The following TNS3 variants were observed in gnomAD, a reference collection of about 807,000 sequenced individuals.
TNS3 encodes the protein tensin-3.
TNS3 carries 45 observed loss-of-function variants against 140.9 expected under a neutral mutation model. The ratio of observed to expected loss-of-function variants is 0.32; its 90% CI spans 0.25 to 0.41. The LOEUF (loss-of-function observed/expected upper bound fraction) is 0.41. TNS3 is among the 10% of genes least tolerant of loss of function. The probability of loss-of-function intolerance (pLI) is 1.00; values close to 1 mark genes in which losing one functional copy is unlikely to be tolerated. For missense variants in TNS3, 1,716 were observed against 1,906.7 expected, an observed-to-expected ratio of 0.90 and a Z score of 1.86; for synonymous variants, 815 against 788.4, an observed-to-expected ratio of 1.03 and a Z score of -0.56.
rs916438598 is a variant in TNS3 at position 47,317,004 on chromosome 7, A to C, written c.2651-12001T>G. Among the ~76,000 whole-genome samples the C allele has an allele frequency of 5.5e-4, 83 of 152,254 alleles. 1 individual carries two copies. Among genetic ancestry groups the C allele is most frequent in the Admixed American group, 4.3e-3 (66 of 15,290 alleles). On this transcript the variant is annotated intron_variant, in intron 20 of 30. Transcript: ENST00000311160. ...AACAAACAAACAAAAATGATGAAAAACCCACAAATGGATAAATAAATACTT... is the reference window on the plus strand; with the variant it reads ...AACAAACAAACAAAAATGATGAAAACCCCACAAATGGATAAATAAATACTT...
At chr7:47,292,959 T>C in intron 25 of TNS3, 54 bp from the exon 26 acceptor site, 1 of 1,503,518 alleles carries the variant, frequency 6.7e-7, no homozygotes, top group Non-Finnish European at 9.2e-7. Context: ...AGATGTTGTG[T>C]GCTCAGCCAA....
At chr7:47,449,745 A>T (rs1795927084) in intron 4 of TNS3, among the ~76,000 whole-genome samples, 1 of 152,172 alleles carries the variant, frequency 6.6e-6, no homozygotes, top group Non-Finnish European at 1.5e-5. Flanking sequence ...AGTTGGGATT[A>T]CAGGCGCCCG....
At chr7:47,539,042 C>T (rs1216219369) in intron 1 of TNS3, 9 of 456,494 alleles carry the variant, frequency 2.0e-5, no homozygotes, top group Admixed American at 1.9e-4. Flanking sequence ...GCAAACACGC[C>T]CAGAGGTCAG....
intron 4 of TNS3, among the ~76,000 whole-genome samples, chr7:47,461,078 C>T (rs747569522): frequency 7.2e-5 from 11 of 152,068 alleles, no homozygotes; most frequent in East Asian, 3.9e-4. Flanking sequence ...TGAAAAAAAA[C>T]GGGAAAGAGC....
At chr7:47,423,015 C>CT (rs1471180730) in intron 10 of TNS3, among the ~76,000 whole-genome samples, 1 of 152,142 alleles carries the variant, frequency 6.6e-6, no homozygotes, top group Admixed American at 6.6e-5. Flanking sequence ...TCCAACACAC[C>CT]CGGTTTCAAG....
intron 4 of TNS3, among the ~76,000 whole-genome samples, chr7:47,452,540 T>C (rs1362051273): frequency 6.6e-6 from 1 of 152,156 alleles, no homozygotes. Context: ...TGTAACGAAA[T>C]AGTCACAGGA....
At chr7:47,324,107 T>C (rs1206400542) in intron 20 of TNS3, among the ~76,000 whole-genome samples, 3 of 152,228 alleles carry the variant, frequency 2.0e-5, no homozygotes, top group South Asian at 2.1e-4. Flanking sequence ...CCTCCTGACC[T>C]GGCTGCCTGT....
chr7:47,540,551 G>A (rs747539880), intron 1 of TNS3, among the ~76,000 whole-genome samples: 37 of 152,238 alleles, frequency 2.4e-4, no homozygotes, highest in African/African-American at 8.7e-4. Context: ...CCACAGATAC[G>A]TGAGCAACGT....
intron 10 of TNS3, among the ~76,000 whole-genome samples, chr7:47,418,841 A>T (rs191195179): frequency 1.3e-5 from 2 of 152,388 alleles, no homozygotes; most frequent in East Asian, 3.9e-4. Context: ...GTTAGCTTAA[A>T]TCTGTCTGAA....
At chr7:47,429,372 C>CT (rs35303779) in intron 8 of TNS3, among the ~76,000 whole-genome samples, 50,298 of 149,554 alleles carry the variant, frequency 0.34, 8,969 homozygotes, top group Non-Finnish European at 0.41. Flanking sequence ...CAATCTGGCT[C>CT]TTTTTTTTTT....
intron 3 of TNS3, among the ~76,000 whole-genome samples, chr7:47,494,622 G>A (rs1042421576): frequency 6.6e-6 from 1 of 152,164 alleles, no homozygotes; most frequent in African/African-American, 2.4e-5. Flanking sequence ...AAGGAAGCCT[G>A]CGGGCTTCGG....
At chr7:47,469,349 G>A (rs1198622383) in intron 4 of TNS3, among the ~76,000 whole-genome samples, 2 of 152,252 alleles carry the variant, frequency 1.3e-5, no homozygotes, top group East Asian at 3.9e-4. Context: ...TCCAACAAAG[G>A]CTGAATATCT....
In TNS3 at chr7:47,415,106, C is replaced by T. The variant is rs767912951; in HGVS notation, c.574G>A (p.Asp192Asn). Reference sequence around the variant, plus strand: ...AGGGGACACTCACCTCCACCTGTGTCGAAGTTGGGGGTGCCGTGGAGGATG... The same window carrying T: ...AGGGGACACTCACCTCCACCTGTGTTGAAGTTGGGGGTGCCGTGGAGGATG... ...FVILHGTPNFDTGGVCRPFLK... is the reference protein window; with the variant it reads ...FVILHGTPNFNTGGVCRPFLK... The change falls in exon 11 of 31, where the codon GAC (aspartate) becomes AAC (asparagine). Residue 192 changes from aspartate (D) to asparagine (N), a missense_variant. This residue lies in a region of TNS3 where 337 missense variants were observed against 428.9 expected (regional missense o/e 0.79). Transcript: ENST00000311160. The T allele has an allele frequency of 1.9e-6, 3 of 1,611,454 alleles. No homozygotes were observed. Among genetic ancestry groups the T allele is most frequent in the South Asian group, 1.1e-5 (1 of 90,542 alleles).
intron 16 of TNS3, among the ~76,000 whole-genome samples, chr7:47,387,455 G>A (rs928474659): frequency 6.6e-6 from 1 of 152,234 alleles, no homozygotes; most frequent in African/African-American, 2.4e-5. Context: ...CGTGCATGTG[G>A]ATGGTGGTCT....
chr7:47,277,782 G>A lies in TNS3; in HGVS notation c.*294C>T. 1 of 458,960 alleles carries A rather than the reference G, an allele frequency of 2.2e-6. No individual in the cohort carries two copies. The highest frequency in any genetic ancestry group is 4.0e-6 in the Non-Finnish European group (1 of 247,316). 28.4% of individuals were successfully genotyped at this position (458,960 alleles called of 1,614,324 possible). On this transcript the variant is annotated 3_prime_UTR_variant, in exon 31 of 31. Transcript: ENST00000311160. ...ACCTCGTGTTCTGTGCTGTTTCCTT[G>A]CATGTCCCTTTCCCATGGGGACCCT...
intron 20 of TNS3, among the ~76,000 whole-genome samples, chr7:47,320,273 A>T (rs896830400): frequency 1.3e-5 from 2 of 152,128 alleles, no homozygotes; most frequent in Admixed American, 1.3e-4. Context: ...AGGGAAACAC[A>T]CGCACCACCC....
At chr7:47,289,955 A>G (rs1011256183) in intron 27 of TNS3, among the ~76,000 whole-genome samples, 2 of 152,240 alleles carry the variant, frequency 1.3e-5, no homozygotes, top group Non-Finnish European at 2.9e-5. Context: ...GAAAGAGAAG[A>G]GCAAAGTTGG....
At chr7:47,310,790 A>C (rs929862759) in intron 20 of TNS3, among the ~76,000 whole-genome samples, 1 of 152,212 alleles carries the variant, frequency 6.6e-6, no homozygotes, top group Non-Finnish European at 1.5e-5. Flanking sequence ...TGATTGTTCA[A>C]TTCCCACCTA....
chr7:47,393,935 A>C, intron 16 of TNS3, among the ~76,000 whole-genome samples: 1 of 144,836 alleles, frequency 6.9e-6, no homozygotes, highest in African/African-American at 2.6e-5. Flanking sequence ...GACCTTCTCT[A>C]CTCGCCCCTA....
Sources: allele counts gnomAD v4.1 joint callset (sites outside exome capture counted in the v4.1 genomes callset), GRCh38; gene constraint gnomAD v4.1.1; regional missense constraint gnomAD v4.1.1; transcripts MANE v1.5; gene names NCBI Gene and HGNC (gene_info 2026-07-23, HGNC 2026-07-21).